The following ASCC3 variants were observed in gnomAD, a reference collection of about 807,000 sequenced individuals.
The protein encoded by ASCC3 is activating signal cointegrator 1 complex subunit 3, also known as ASC-1 complex subunit P200.
Under a neutral mutation model 256.3 loss-of-function variants are expected in ASCC3, and 158 were observed. The ratio of observed to expected loss-of-function variants is 0.62; its 90% CI spans 0.54 to 0.70. The LOEUF is 0.70. Among genes scored for constraint, ASCC3 ranks in the 30% least tolerant of loss-of-function variants. ASCC3 has a pLI of 0.00. For missense variants in ASCC3, 2,259 were observed against 2,626.0 expected (o/e 0.86, Z 3.05); for synonymous variants, 948 against 883.4 (o/e 1.07, Z -1.30).
chr6:100,664,587 T>A (rs1448575268), intron 14 of ASCC3, among the ~76,000 whole-genome samples: 4 of 152,138 alleles, frequency 2.6e-5, no homozygotes, highest in African/African-American at 7.2e-5. Flanking sequence ...TATTCTTACT[T>A]TATTCTTATG....
chr6:100,585,855 T>C lies in ASCC3; in HGVS notation c.5550+3779A>G, dbSNP rs1396920561. On this transcript the variant is annotated intron_variant, in intron 36 of 41. Transcript: ENST00000369162. ...TTTGCTAGAGGTCCACTCCAGACCC[T>C]GTTTGCCTGGGTATCAGCAGCGGTG... 1.3e-5 allele frequency among the ~76,000 whole-genome samples: 2 copies of C among 152,200 alleles called. 1 individual carries two copies. Among genetic ancestry groups the C allele is most frequent in the Middle Eastern group, 6.3e-3 (2 of 316 alleles).
intron 8 of ASCC3, among the ~76,000 whole-genome samples, chr6:100,778,939 C>T (rs1033371029): frequency 6.6e-6 from 1 of 152,000 alleles, no homozygotes; most frequent in Non-Finnish European, 1.5e-5. Flanking sequence ...TTCAACAATT[C>T]ATATGATTAC....
At chr6:100,681,577 A>C (rs961949729) in intron 13 of ASCC3, among the ~76,000 whole-genome samples, 2 of 151,748 alleles carry the variant, frequency 1.3e-5, no homozygotes, top group Admixed American at 1.3e-4. Flanking sequence ...AAATACAAAA[A>C]TTAGCGGGGC....
intron 1 of ASCC3, among the ~76,000 whole-genome samples, chr6:100,874,928 A>G (rs1021671570): frequency 6.6e-6 from 1 of 152,230 alleles, no homozygotes; most frequent in Admixed American, 6.5e-5. Context: ...AAACCCCTAC[A>G]GAATGTGCAT....
rs578256714 is a variant in ASCC3 at position 100,615,330 on chromosome 6, C to T, written c.4786-8242G>A. Among the ~76,000 whole-genome samples the T allele has an allele frequency of 4.6e-5, 7 of 151,918 alleles. No individual in the cohort carries two copies. In the South Asian group the frequency reaches 1.5e-3, roughly 32 times the overall value. On this transcript the variant is annotated intron_variant, in intron 30 of 41. Coordinates refer to ENST00000369162, the MANE Select transcript of ASCC3 (RefSeq NM_006828.4). ...TTTTGTCCCCATCAAATTACTCCCA[C>T]CCCCACCATGACTTTTCCATCTTTT...
intron 36 of ASCC3, among the ~76,000 whole-genome samples, chr6:100,562,200 T>C (rs190972389): frequency 6.6e-6 from 1 of 152,168 alleles, no homozygotes; most frequent in Admixed American, 6.5e-5. Context: ...TACAGATGTG[T>C]GAATAATACT....
rs577000785 is a variant in ASCC3 at position 100,749,702 on chromosome 6, G to C, written c.1737+16863C>G. Among the ~76,000 whole-genome samples, 12 of 151,840 alleles carry C rather than the reference G, an allele frequency of 7.9e-5. No homozygotes were observed. The East Asian group carries it at 2.3e-3, about 29-fold the overall frequency. The stretch of plus-strand genomic sequence containing the variant: ...TGACTGCAATTATCTAAGAACAATA[G>C]GTAGTAAATATGTCTATGTATTCAA... On this transcript the variant is annotated intron_variant, in intron 10 of 41. Coordinates refer to ENST00000369162, the MANE Select transcript of ASCC3 (RefSeq NM_006828.4).
intron 36 of ASCC3, among the ~76,000 whole-genome samples, chr6:100,570,448 C>T (rs1448216797): frequency 2.6e-5 from 4 of 152,138 alleles, no homozygotes; most frequent in African/African-American, 9.7e-5. Context: ...TCCTTTGATA[C>T]CTAGCTTCTT....
intron 3 of ASCC3, among the ~76,000 whole-genome samples, chr6:100,850,292 T>C (rs1772602173): frequency 6.6e-6 from 1 of 152,086 alleles, no homozygotes; most frequent in Admixed American, 6.5e-5. Context: ...AAAAACCACG[T>C]TCTACCCCAC....
At chr6:100,680,384 AC>A (rs1777240811) in intron 13 of ASCC3, among the ~76,000 whole-genome samples, 1 of 152,132 alleles carries the variant, frequency 6.6e-6, no homozygotes, top group Non-Finnish European at 1.5e-5. Context: ...GTCACCAGGC[AC>A]GTGTGAATAC....
At chr6:100,690,920 C>T (rs1777814746) in intron 13 of ASCC3, among the ~76,000 whole-genome samples, 1 of 152,074 alleles carries the variant, frequency 6.6e-6, no homozygotes, top group Non-Finnish European at 1.5e-5. Flanking sequence ...ATATACAGAA[C>T]ACTACTCTGA....
chr6:100,622,762 A>G (rs1774022219), intron 30 of ASCC3, among the ~76,000 whole-genome samples: 1 of 152,012 alleles, frequency 6.6e-6, no homozygotes, highest in African/African-American at 2.4e-5. Flanking sequence ...AAACCACGAG[A>G]GTATATTCTA....
chr6:100,878,077 TCA>T (rs142634320), intron 1 of ASCC3, among the ~76,000 whole-genome samples: 260 of 152,312 alleles, frequency 1.7e-3, no homozygotes, highest in Non-Finnish European at 3.2e-3. Flanking sequence ...TCTTAGCTAT[TCA>T]CAGTTTCCAC....
At chr6:100,579,826 A>G (rs1045602074) in intron 36 of ASCC3, among the ~76,000 whole-genome samples, 2 of 152,078 alleles carry the variant, frequency 1.3e-5, no homozygotes, top group Admixed American at 1.3e-4. Context: ...TTTTGGATCC[A>G]TATAAAGTTT....
intron 36 of ASCC3, among the ~76,000 whole-genome samples, chr6:100,576,487 T>C (rs559510860): frequency 1.2e-4 from 19 of 152,052 alleles, no homozygotes; most frequent in Non-Finnish European, 1.5e-5. Flanking sequence ...AGATAGAATA[T>C]GTCGAAAAGG....
At chr6:100,830,430 C>T (rs1340130676) in intron 4 of ASCC3, among the ~76,000 whole-genome samples, 1 of 152,112 alleles carries the variant, frequency 6.6e-6, no homozygotes, top group African/African-American at 2.4e-5. Context: ...AGATATATTA[C>T]ATTTCATGGT....
intron 13 of ASCC3, among the ~76,000 whole-genome samples, chr6:100,680,977 AG>A (rs760897558): frequency 2.0e-5 from 3 of 152,166 alleles, no homozygotes; most frequent in Non-Finnish European, 2.9e-5. Context: ...AGAAATGAAA[AG>A]GGGAATGAGG....
At chr6:100,618,304 C>T (rs1466834806) in intron 30 of ASCC3, among the ~76,000 whole-genome samples, 1 of 152,102 alleles carries the variant, frequency 6.6e-6, no homozygotes, top group African/African-American at 2.4e-5. Context: ...CCAGATTAGC[C>T]AGATGGTAAG....
At chr6:100,751,740 T>C (rs77416744) in intron 10 of ASCC3, among the ~76,000 whole-genome samples, 2,206 of 151,716 alleles carry the variant, frequency 0.015, 46 homozygotes, top group African/African-American at 0.051. Flanking sequence ...TGCTCATTTA[T>C]ATGGTCACAC....
Sources: allele counts gnomAD v4.1 joint callset (sites outside exome capture counted in the v4.1 genomes callset), GRCh38; gene constraint gnomAD v4.1.1; transcripts MANE v1.5; gene names NCBI Gene and HGNC (gene_info 2026-07-23, HGNC 2026-07-21).